FAM184A: variants seen among roughly 807,000 people sequenced by gnomAD.
FAM184A encodes the protein family with sequence similarity 184 member A, also known as protein FAM184A.
In FAM184A, 99 loss-of-function variants were observed where a neutral mutation model predicts 143.8. That is an observed-to-expected ratio of 0.69 (90% CI 0.58 to 0.81). The LOEUF (loss-of-function observed/expected upper bound fraction) is 0.81, where lower values mean the gene tolerates loss of function less well. Among genes scored for constraint, FAM184A ranks in the 40% least tolerant of loss-of-function variants. The pLI is 0.00. For synonymous variants in FAM184A, 427 were observed against 446.4 expected (o/e 0.96, Z 0.55); for missense variants, 1,217 against 1,310.5 (o/e 0.93, Z 1.10).
chr6:119,148,015 C>G (rs777091242), intron 1 of FAM184A, among the ~76,000 whole-genome samples: 4 of 152,182 alleles, frequency 2.6e-5, no homozygotes, highest in Non-Finnish European at 5.9e-5. Flanking sequence ...AATAAATAGC[C>G]TTTGCTTTTT....
At chr6:119,037,402 A>G (rs564741133) in intron 1 of FAM184A, among the ~76,000 whole-genome samples, 2 of 152,176 alleles carry the variant, frequency 1.3e-5, no homozygotes, top group African/African-American at 4.8e-5. Context: ...CCTGGGCTCA[A>G]GTGATCTATT....
At chr6:119,013,382 A>T (rs1250892544) in intron 5 of FAM184A, among the ~76,000 whole-genome samples, 1 of 152,252 alleles carries the variant, frequency 6.6e-6, no homozygotes, top group African/African-American at 2.4e-5. Flanking sequence ...AAGGCAGGAC[A>T]TATGCAATTT....
rs374709369 is a variant in FAM184A at position 119,144,292 on chromosome 6, C to T, written c.-202+4786G>A. ...GAGCTTGCAGTGAGCTGAGATAGTG[C>T]CACTGCACTCCAGCCTGGGCCACAG... On this transcript the variant is annotated intron_variant, in intron 1 of 16. Transcript: ENST00000352896. Among the ~76,000 whole-genome samples the T allele has an allele frequency of 3.3e-5, 5 of 150,404 alleles. No homozygotes were observed. In the East Asian group the frequency reaches 7.8e-4, roughly 23 times the overall value.
intron 6 of FAM184A, chr6:119,009,413 T>TA (rs1040414017): frequency 3.3e-5 from 5 of 153,116 alleles, no homozygotes; most frequent in South Asian, 2.1e-4. Context: ...TGATGGTTTT[T>TA]AAAAAATGGG....
intron 1 of FAM184A, among the ~76,000 whole-genome samples, chr6:119,136,280 G>A (rs1789661925): frequency 2.4e-5 from 2 of 83,152 alleles, no homozygotes; most frequent in African/African-American, 1.1e-4. Context: ...GCGAGACTCC[G>A]TCTCAAAAAA....
At chr6:118,974,636 A>G in intron 13 of FAM184A, 62 bp from the exon 14 acceptor site, 1 of 1,377,658 alleles carries the variant, frequency 7.3e-7, no homozygotes, top group Admixed American at 2.2e-5. Flanking sequence ...AAAACTTTCT[A>G]TTATTCTACC....
chr6:119,060,604 T>G (rs990898850), intron 1 of FAM184A, among the ~76,000 whole-genome samples: 2 of 152,214 alleles, frequency 1.3e-5, no homozygotes, highest in African/African-American at 4.8e-5. Context: ...GGTTTAGATC[T>G]GTGGCCCCAC....
intron 1 of FAM184A, among the ~76,000 whole-genome samples, chr6:119,060,754 C>T (rs762882973): frequency 6.6e-6 from 1 of 152,050 alleles, no homozygotes; most frequent in African/African-American, 2.4e-5. Flanking sequence ...TCAGGAGCTC[C>T]GGTTGTTTAA....
At chr6:119,100,788 C>A (rs1265318366) in intron 1 of FAM184A, among the ~76,000 whole-genome samples, 3 of 151,850 alleles carry the variant, frequency 2.0e-5, no homozygotes. Flanking sequence ...GAAACCTCGT[C>A]TCTACTAAAA....
rs569486347 is a variant in FAM184A, at chr6:118,999,404, T to C, written c.2088+3495A>G. Among the ~76,000 whole-genome samples, 12 of 152,340 alleles carry C rather than the reference T, an allele frequency of 7.9e-5. 1 individual carries two copies. The highest frequency in any genetic ancestry group is 2.9e-4 in the African/African-American group (12 of 41,572). On this transcript the variant is annotated intron_variant, in intron 9 of 17. Coordinates refer to ENST00000338891, the MANE Select transcript of FAM184A (RefSeq NM_024581.6). ...GTTTACCAAGTAATCTTTAAACTCC[T>C]AAGCTTGGAAGTCAAGGTTTTCCAC... is the stretch of plus-strand genomic sequence containing the variant.
intron 11 of FAM184A, among the ~76,000 whole-genome samples, chr6:118,977,669 A>G (rs1348263047): frequency 6.6e-6 from 1 of 152,170 alleles, no homozygotes; most frequent in East Asian, 1.9e-4. Flanking sequence ...TGAACAGGGT[A>G]ATGGTTGCCA....
chr6:118,992,520 C>T (rs1273169493), intron 9 of FAM184A, among the ~76,000 whole-genome samples: 1 of 152,046 alleles, frequency 6.6e-6, no homozygotes, highest in African/African-American at 2.4e-5. Flanking sequence ...GCTTTTACCA[C>T]GTGAGGACAT....
At chr6:119,023,228 T>C in intron 2 of FAM184A, 148 bp from the exon 3 acceptor site, 4 of 787,766 alleles carry the variant, frequency 5.1e-6, no homozygotes, top group Non-Finnish European at 5.9e-6. Flanking sequence ...TAGTGATTTA[T>C]AACTTGATGT....
chr6:119,141,064 T>C (rs1772217377), intron 1 of FAM184A, among the ~76,000 whole-genome samples: 1 of 152,230 alleles, frequency 6.6e-6, no homozygotes, highest in African/African-American at 2.4e-5. Context: ...CAAAGGAGAA[T>C]GTAACCATTT....
intron 1 of FAM184A, among the ~76,000 whole-genome samples, chr6:119,028,015 G>A (rs1242173114): frequency 6.6e-6 from 1 of 152,122 alleles, no homozygotes; most frequent in Non-Finnish European, 1.5e-5. Context: ...GCCCTTTTAA[G>A]CTTAAGCCAA....
At chr6:119,122,078 T>C (rs561045474) in intron 1 of FAM184A, among the ~76,000 whole-genome samples, 1 of 152,256 alleles carries the variant, frequency 6.6e-6, no homozygotes, top group Admixed American at 6.5e-5. Flanking sequence ...TTGGAACTTT[T>C]TAGTGCAACT....
chr6:119,105,542 G>T (rs891760584), intron 1 of FAM184A, among the ~76,000 whole-genome samples: 1 of 152,278 alleles, frequency 6.6e-6, no homozygotes, highest in Non-Finnish European at 1.5e-5. Context: ...TAAGCCTGCA[G>T]AACTGTGAGT....
At chr6:118,964,569 TGGGAGC>T in intron 16 of FAM184A, 92 bp downstream of exon 16, 1 of 530,956 alleles carries the variant, frequency 1.9e-6, no homozygotes. Flanking sequence ...AAACATTTTT[TGGGAGC>T]TTTATCTAAC....
At chr6:118,986,814 A>AT (rs1478949385) in intron 9 of FAM184A, among the ~76,000 whole-genome samples, 1 of 152,198 alleles carries the variant, frequency 6.6e-6, no homozygotes, top group Non-Finnish European at 1.5e-5. Flanking sequence ...ATTAGCACAT[A>AT]TGTCAAAATG....
Sources: gnomAD v4.1 joint callset for allele counts (sites outside exome capture counted in the v4.1 genomes callset) on GRCh38, gnomAD v4.1.1 for gene constraint, MANE v1.5 for transcripts, NCBI Gene and HGNC (gene_info 2026-07-23, HGNC 2026-07-21) for gene names.